The following MBNL3 variants were observed in gnomAD, a reference collection of about 807,000 sequenced individuals.
MBNL3 encodes muscleblind like splicing regulator 3.
MBNL3 carries 6 observed loss-of-function variants against 24.5 expected under a neutral mutation model. The observed-to-expected ratio is 0.25, with a 90% confidence interval of 0.13 to 0.48. The LOEUF is 0.48. MBNL3 is among the 20% of genes least tolerant of loss of function. MBNL3 has a pLI of 0.99. For synonymous variants in MBNL3, 100 were observed against 101.7 expected (o/e 0.98, Z 0.10); for missense variants, 230 against 293.5 (o/e 0.78, Z 1.58).
chrX:132,422,164 C>A (rs1943888587), intron 2 of MBNL3, among the ~76,000 whole-genome samples: 1 of 109,537 alleles, frequency 9.1e-6, no homozygotes, highest in Non-Finnish European at 1.9e-5. Flanking sequence ...TGTACATATA[C>A]ACACCCTTTT....
intron 2 of MBNL3, among the ~76,000 whole-genome samples, chrX:132,411,815 T>C (rs1942775125): frequency 8.9e-6 from 1 of 111,805 alleles, no homozygotes; most frequent in Admixed American, 9.5e-5. Context: ...TACATCTTCC[T>C]CCACTTTCAA....
At chrX:132,445,728 A>G (rs1945673684) in intron 1 of MBNL3, among the ~76,000 whole-genome samples, 1 of 111,860 alleles carries the variant, frequency 8.9e-6, no homozygotes, top group South Asian at 3.7e-4. Context: ...ATCTTTTTTA[A>G]AAAGATGTGT....
At chrX:132,434,589 T>C (rs145322298) in intron 2 of MBNL3, among the ~76,000 whole-genome samples, 223 of 112,366 alleles carry the variant, frequency 2.0e-3, no homozygotes, top group African/African-American at 6.3e-3. Flanking sequence ...TCAGATGTCA[T>C]GCACATCATT....
At chrX:132,400,060 G>A (rs769843196) in intron 3 of MBNL3, among the ~76,000 whole-genome samples, 1 of 110,859 alleles carries the variant, frequency 9.0e-6, no homozygotes. Flanking sequence ...ATGATAAAGG[G>A]AGAATGTTGA....
chrX:132,464,212 A>T (rs904129153), intron 1 of MBNL3, among the ~76,000 whole-genome samples: 1 of 112,265 alleles, frequency 8.9e-6, no homozygotes, highest in African/African-American at 3.2e-5. Context: ...CGGAATTAAA[A>T]CTTTCTCTCA....
intron 6 of MBNL3, among the ~76,000 whole-genome samples, chrX:132,385,555 T>G (rs777276084): frequency 1.7e-4 from 19 of 111,592 alleles, no homozygotes; most frequent in African/African-American, 6.2e-4. Context: ...TTTTCTTAGG[T>G]TGGGAGAAAA....
intron 2 of MBNL3, chrX:132,437,916 C>T: frequency 1.5e-6 from 1 of 665,570 alleles, no homozygotes; most frequent in South Asian, 7.7e-5. Context: ...TTTACAATAA[C>T]AAGTTTCTAT....
intron 1 of MBNL3, among the ~76,000 whole-genome samples, chrX:132,452,233 G>A (rs1946152332): frequency 1.8e-5 from 2 of 112,165 alleles, no homozygotes; most frequent in Non-Finnish European, 3.8e-5. Context: ...CACTCATTAA[G>A]TGCTTGCGTA....
intron 2 of MBNL3, among the ~76,000 whole-genome samples, chrX:132,435,184 A>G (rs765048725): frequency 8.9e-6 from 1 of 111,972 alleles, no homozygotes; most frequent in African/African-American, 3.2e-5. Flanking sequence ...GCACCAACCT[A>G]TAATTGTAAT....
chrX:132,446,788 G>A (rs917687993), intron 1 of MBNL3, among the ~76,000 whole-genome samples: 6 of 111,640 alleles, frequency 5.4e-5, no homozygotes, highest in Admixed American at 9.5e-5. Context: ...TTTGGCTTTC[G>A]TCACCATTGC....
chrX:132,390,811 C>T (rs762418453), intron 5 of MBNL3, 36 bp downstream of exon 5: 2 of 1,114,519 alleles, frequency 1.8e-6, no homozygotes, highest in Non-Finnish European at 2.5e-6. Context: ...AAAGCATTTA[C>T]TCTGAAACAG....
chrX:132,374,904 G>A lies in MBNL3; in HGVS notation c.*4762C>T, dbSNP rs1447924449. 1 of 111,867 alleles carries A rather than the reference G, an allele frequency of 8.9e-6. No individual in the cohort carries two copies. Among genetic ancestry groups the A allele is most frequent in the Non-Finnish European group, 1.9e-5 (1 of 53,004 alleles). 9.2% of individuals were successfully genotyped at this position (111,867 alleles called of 1,213,427 possible). On this transcript the variant is annotated 3_prime_UTR_variant, in exon 9 of 9. Coordinates refer to ENST00000370853, the MANE Select transcript of MBNL3 (RefSeq NM_001386889.1). ...CTTGAATGGGGTAATTTTGAATTAA[G>A]TTATAAAAAAAGTTAGGTAATGTAT...
rs1443061377 is a variant in MBNL3 at position 132,396,477 on chromosome X, CATATATATTCCT to C, written c.343-4155_343-4144del. Among the ~76,000 whole-genome samples, 63 of 63,226 alleles carry C rather than the reference CATATATATTCCT, an allele frequency of 1.0e-3. 2 individuals are homozygous for C. Among genetic ancestry groups the C allele is most frequent in the Non-Finnish European group, 1.4e-3 (51 of 36,165 alleles). 54.9% of individuals were successfully genotyped at this position (63,226 alleles called of 115,157 possible). ...CTATATATATATTCCTATATATATT[CATATATATTCCT>C]ATATATATTCCTATATATATTCATA... On this transcript the variant is annotated intron_variant, in intron 3 of 8. Transcript: ENST00000370853.
intron 2 of MBNL3, among the ~76,000 whole-genome samples, chrX:132,426,905 T>C (rs144058106): frequency 8.9e-6 from 1 of 112,317 alleles, no homozygotes; most frequent in African/African-American, 3.2e-5. Flanking sequence ...CTTTGGGGAA[T>C]TGAATGTACA....
At chrX:132,396,231 C>G (rs1410354535) in intron 3 of MBNL3, among the ~76,000 whole-genome samples, 1 of 104,323 alleles carries the variant, frequency 9.6e-6, no homozygotes, top group African/African-American at 3.5e-5. Flanking sequence ...TTATATTTAG[C>G]CATTCACAAG....
At chrX:132,426,490 A>AT (rs1195108705) in intron 2 of MBNL3, among the ~76,000 whole-genome samples, 2 of 110,315 alleles carry the variant, frequency 1.8e-5, no homozygotes, top group Admixed American at 9.6e-5. Flanking sequence ...TTTTTCTGTC[A>AT]TTTTTTTTGC....
At chrX:132,381,434 TA>T in intron 8 of MBNL3, 1 of 1,104,781 alleles carries the variant, frequency 9.1e-7, no homozygotes, top group Non-Finnish European at 1.2e-6. Flanking sequence ...TTGGGGTATC[TA>T]TAGTAGTAAA....
At chrX:132,434,791 T>C (rs1054008032) in intron 2 of MBNL3, among the ~76,000 whole-genome samples, 1 of 111,530 alleles carries the variant, frequency 9.0e-6, no homozygotes, top group Non-Finnish European at 1.9e-5. Context: ...TAAGGAGATA[T>C]AAGGAATAAA....
chrX:132,456,069 C>G (rs1946356122), intron 1 of MBNL3, among the ~76,000 whole-genome samples: 1 of 111,927 alleles, frequency 8.9e-6, no homozygotes, highest in Non-Finnish European at 1.9e-5. Flanking sequence ...TTTAGTTTAC[C>G]TGTTTGTAAC....
Sources: allele counts gnomAD v4.1 joint callset (sites outside exome capture counted in the v4.1 genomes callset), GRCh38; gene constraint gnomAD v4.1.1; transcripts MANE v1.5; gene names NCBI Gene and HGNC (gene_info 2026-07-23, HGNC 2026-07-21).